TAF6: variants seen among roughly 807,000 people sequenced by gnomAD.
TAF6 encodes the protein TATA-box binding protein associated factor 6.
Under a neutral mutation model 73.5 loss-of-function variants are expected in TAF6, and 50 were observed. That is an observed-to-expected ratio of 0.68 (90% CI 0.54 to 0.86). TAF6 has a LOEUF of 0.86. TAF6 is among the 40% of genes least tolerant of loss of function. TAF6 has a pLI of 0.00. For synonymous variants in TAF6, 424 were observed against 376.7 expected, an observed-to-expected ratio of 1.13 and a Z score of -1.45; for missense variants, 768 against 899.5, an observed-to-expected ratio of 0.85 and a Z score of 1.87.
the TAF6 span, chr7:100,127,005 A>G: frequency 5.5e-6 from 1 of 183,158 alleles, no homozygotes; most frequent in Non-Finnish European, 1.1e-5. This position sits in a 1 kb window ranked among gnomAD's most constrained non-coding sequence, Gnocchi z 4.6. Context: ...ACAAACTCTC[A>G]CCCGCGTTTT....
the TAF6 span, among the ~76,000 whole-genome samples, chr7:100,126,002 C>A: frequency 4.6e-5 from 7 of 152,110 alleles, no homozygotes; most frequent in Admixed American, 2.0e-4. Context: ...CTGGCTAATA[C>A]GGTGAAAGCC....
At chr7:100,107,735 C>G (rs4134925) in intron 14 of TAF6, 112 bp from the exon 15 acceptor site, 1 of 1,479,042 alleles carries the variant, frequency 6.8e-7, no homozygotes, top group Non-Finnish European at 9.0e-7. Flanking sequence ...CTGTAGTTCA[C>G]CCTGTAGACA....
chr7:100,109,487 T>C (rs1352625388), intron 12 of TAF6, among the ~76,000 whole-genome samples: 1 of 152,148 alleles, frequency 6.6e-6, no homozygotes, highest in East Asian at 1.9e-4. Context: ...TGCCACAGGC[T>C]GAGCGTGTTA....
upstream of TAF6, chr7:100,122,350 A>G: frequency 6.2e-7 from 1 of 1,613,758 alleles, no homozygotes; most frequent in Non-Finnish European, 8.5e-7. Context: ...TGCTGGATAC[A>G]GGCAAGAGGA....
intron 1 of TAF6, among the ~76,000 whole-genome samples, chr7:100,117,042 T>C (rs1184239369): frequency 1.3e-5 from 2 of 151,988 alleles, no homozygotes; most frequent in African/African-American, 4.8e-5. Context: ...GGTCAAGAGA[T>C]CGAGACCATC....
In TAF6 at chr7:100,107,895, C is replaced by A. The variant is rs1796713875; in HGVS notation, c.1656+31G>T. On this transcript the variant is annotated intron_variant, in intron 14 of 14. Transcript: ENST00000453269. ...GTGCTCTGAGGTAACCCAGGCCCTC[C>A]AGATGCTCCCTGTCCCACAGCTCTG... The A allele has an allele frequency of 1.9e-6, 3 of 1,576,202 alleles. No individual in the cohort carries two copies. The East Asian group carries it at 6.7e-5, about 35-fold the overall frequency.
intron 10 of TAF6, 99 bp from the exon 11 acceptor site, chr7:100,110,373 A>G: frequency 7.3e-7 from 1 of 1,378,468 alleles, no homozygotes; most frequent in East Asian, 2.3e-5. Context: ...AATCATTAAG[A>G]CATTACAATG....
At chr7:100,124,101 C>T (rs1203849156), upstream of TAF6, among the ~76,000 whole-genome samples, 3 of 150,418 alleles carry the variant, frequency 2.0e-5, no homozygotes, top group African/African-American at 7.4e-5. Flanking sequence ...CCCACCACTG[C>T]AGTCCAGCCT....
upstream of TAF6, among the ~76,000 whole-genome samples, chr7:100,123,863 G>T (rs1361374102): frequency 3.3e-5 from 5 of 152,210 alleles, no homozygotes; most frequent in African/African-American, 1.2e-4. Context: ...AGGTGCGATG[G>T]CTCACGTATG....
chr7:100,122,478 CAG>C (rs751666560), upstream of TAF6: 13 of 1,613,746 alleles, frequency 8.1e-6, no homozygotes, highest in African/African-American at 6.7e-5. Flanking sequence ...TCTCTTTCCA[CAG>C]AGAGACAAGG....
intron 10 of TAF6, 60 bp from the exon 11 acceptor site, chr7:100,110,334 C>G: frequency 6.4e-7 from 1 of 1,558,788 alleles, no homozygotes; most frequent in Non-Finnish European, 8.8e-7. Context: ...TGACAGGGAC[C>G]TAAGTCTTTC....
chr7:100,112,309 A>G (rs1797258575), intron 6 of TAF6, 56 bp from the exon 7 acceptor site: 1 of 1,580,526 alleles, frequency 6.3e-7, no homozygotes, highest in African/African-American at 1.4e-5. Flanking sequence ...AACCTCAGTA[A>G]CAGAAGAACC....
upstream of TAF6, chr7:100,124,330 A>C: frequency 1.8e-6 from 1 of 565,858 alleles, no homozygotes; most frequent in Non-Finnish European, 3.2e-6. Flanking sequence ...TTAATAATCT[A>C]CTTGGCAGAA....
In TAF6 at chr7:100,118,061, AC is replaced by A. The variant is rs1225824673; in HGVS notation, c.-60+1142del. Among the ~76,000 whole-genome samples, 142 of 148,472 alleles carry A rather than the reference AC, an allele frequency of 9.6e-4. 1 individual carries two copies. The highest frequency in any genetic ancestry group is 1.5e-3 in the Non-Finnish European group (97 of 66,840). ...ACTCTGTCTCAAAAAAAAAAAAAAAACAAAAAAAGCAAAGTGGAGCCAGGTG... is the reference window on the plus strand; with the variant it reads ...ACTCTGTCTCAAAAAAAAAAAAAAAAAAAAAAAGCAAAGTGGAGCCAGGTG... On this transcript the variant is annotated intron_variant, in intron 1 of 14. Coordinates refer to ENST00000453269, the MANE Select transcript of TAF6 (RefSeq NM_139315.3).
rs1285367827 is a variant in TAF6, at chr7:100,107,539, T to C, written c.1741A>G (p.Ile581Val). ...VTTTVPSVQP[I>V]VKLVSTATTA... ...GTGGCGGTGGAGACCAACTTGACGA[T>C]GGGCTGCACGCTGGGGACGGTGGTG... Residue 581 changes from isoleucine (I) to valine (V), a missense_variant, in exon 15 of 15, where the codon ATC becomes GTC. Ile to Val is a conservative substitution (Grantham distance 29). Around this residue, in one of 5 missense-constraint regions of TAF6, gnomAD observed 350 missense variants for 352.3 expected, o/e 0.99. Transcript: ENST00000453269. 14 of 1,613,756 alleles carry C rather than the reference T, an allele frequency of 8.7e-6. No individual in the cohort carries two copies. In the East Asian group the frequency reaches 1.3e-4, roughly 15 times the overall value.
chr7:100,117,986 C>T (rs1045529306), intron 1 of TAF6, among the ~76,000 whole-genome samples: 3 of 147,320 alleles, frequency 2.0e-5, no homozygotes, highest in African/African-American at 7.5e-5. Flanking sequence ...GCGGAGCTTG[C>T]AGTGAGCCGA....
intron 1 of TAF6, chr7:100,116,660 CA>C (rs998135247): frequency 1.3e-5 from 2 of 151,372 alleles, no homozygotes; most frequent in East Asian, 1.9e-4. Context: ...ACAACAACAA[CA>C]AAAAAAACAG....
intron 9 of TAF6, 149 bp from the exon 10 acceptor site, chr7:100,111,470 A>G: frequency 9.3e-7 from 1 of 1,076,030 alleles, no homozygotes; most frequent in South Asian, 1.6e-5. Flanking sequence ...CTCCCATCTC[A>G]GCCTCCCAGG....
chr7:100,121,116 A>ATACATATATTT (rs1584585316), upstream of TAF6: 1 of 52,800 alleles, frequency 1.9e-5, no homozygotes, highest in Non-Finnish European at 3.2e-5. Flanking sequence ...ATATATATAT[A>ATACATATATTT]TTTTTTTTTT....
Sources: allele counts gnomAD v4.1 joint callset (sites outside exome capture counted in the v4.1 genomes callset), GRCh38; gene constraint gnomAD v4.1.1; regional missense constraint gnomAD v4.1.1; non-coding constraint Gnocchi (gnomAD v3.1); transcripts MANE v1.5; gene names NCBI Gene and HGNC (gene_info 2026-07-23, HGNC 2026-07-21).